IRGM: variants seen among roughly 807,000 people sequenced by gnomAD.
The protein encoded by IRGM is immunity-related GTPase family M protein.
For missense variants in IRGM, 288 were observed against 219.9 expected, an observed-to-expected ratio of 1.31 and a Z score of -1.96; for synonymous variants, 98 against 80.6, an observed-to-expected ratio of 1.22 and a Z score of -1.16.
chr5:150,893,507 T>C (rs1754652746), intron 3 of IRGM, among the ~76,000 whole-genome samples: 1 of 152,188 alleles, frequency 6.6e-6, no homozygotes, highest in African/African-American at 2.4e-5. Context: ...AAAACTGATG[T>C]AATTTTGTTG....
chr5:150,895,421 T>G (rs779990720), intron 3 of IRGM: 1 of 1,583,820 alleles, frequency 6.3e-7, no homozygotes, highest in African/African-American at 1.4e-5. Flanking sequence ...TGTGGCCAGT[T>G]CATTATGATT....
chr5:150,864,234 G>T (rs1754175020), intron 1 of IRGM, among the ~76,000 whole-genome samples: 1 of 152,110 alleles, frequency 6.6e-6, no homozygotes, highest in South Asian at 2.1e-4. Flanking sequence ...CCAGACGCTT[G>T]ACCTTCTTTT....
chr5:150,877,137 T>C (rs976185610), intron 1 of IRGM, among the ~76,000 whole-genome samples: 9 of 152,180 alleles, frequency 5.9e-5, no homozygotes, highest in Non-Finnish European at 8.8e-5. Flanking sequence ...GAGATGTATA[T>C]GGGTTCAAGT....
intron 3 of IRGM, chr5:150,898,128 A>T (rs990425871): frequency 6.2e-7 from 1 of 1,613,650 alleles, no homozygotes; most frequent in South Asian, 1.1e-5. Flanking sequence ...TTTATGATCC[A>T]TGGCTCTTCT....
intron 1 of IRGM, among the ~76,000 whole-genome samples, chr5:150,872,327 G>A (rs973641551): frequency 3.3e-5 from 5 of 152,138 alleles, no homozygotes; most frequent in Non-Finnish European, 7.4e-5. Context: ...GCTGCCATCA[G>A]CTTTTCCACC....
intron 3 of IRGM, among the ~76,000 whole-genome samples, chr5:150,892,920 C>T (rs1754636637): frequency 6.6e-6 from 1 of 151,838 alleles, no homozygotes; most frequent in African/African-American, 2.4e-5. Context: ...TTTGTTGTTC[C>T]TATTTTGTGT....
chr5:150,890,558 A>ACTGT (rs1754593974), intron 3 of IRGM, among the ~76,000 whole-genome samples: 1 of 151,658 alleles, frequency 6.6e-6, no homozygotes, highest in Admixed American at 6.6e-5. Context: ...AAACTGATTC[A>ACTGT]TTGAGACTTT....
intron 3 of IRGM, among the ~76,000 whole-genome samples, chr5:150,892,346 G>A (rs1009869217): frequency 6.6e-6 from 1 of 151,948 alleles, no homozygotes; most frequent in South Asian, 2.1e-4. Context: ...AGGCAGGAGA[G>A]GCAGCATAAC....
At chr5:150,862,446 G>A (rs1754149973) in intron 1 of IRGM, among the ~76,000 whole-genome samples, 1 of 152,192 alleles carries the variant, frequency 6.6e-6, no homozygotes, top group Non-Finnish European at 1.5e-5. Flanking sequence ...TGCCACACCA[G>A]CCTCCTCATT....
intron 1 of IRGM, among the ~76,000 whole-genome samples, chr5:150,872,471 G>A (rs1377094842): frequency 6.6e-6 from 1 of 152,188 alleles, no homozygotes; most frequent in African/African-American, 2.4e-5. Context: ...GGCCCCTAGA[G>A]GTGAGGTTCA....
At chr5:150,898,676 C>G in intron 3 of IRGM, 1 of 1,173,714 alleles carries the variant, frequency 8.5e-7, no homozygotes, top group African/African-American at 1.6e-5. Flanking sequence ...AAATAAAATC[C>G]TGTTTTTAGC....
At chr5:150,856,854 ATTG>A (rs1486839013) in intron 1 of IRGM, among the ~76,000 whole-genome samples, 29 of 147,882 alleles carry the variant, frequency 2.0e-4, no homozygotes, top group South Asian at 1.7e-3. Context: ...ATTTTATTTT[ATTG>A]TTATTTATTA....
chr5:150,847,805 T>TG lies in IRGM; in HGVS notation c.-316dup. 2 of 229,244 alleles carry TG rather than the reference T, an allele frequency of 8.7e-6. No individual in the cohort carries two copies. The highest frequency in any genetic ancestry group is 1.5e-5 in the Non-Finnish European group (2 of 132,820). 14.2% of individuals were successfully genotyped at this position (229,244 alleles called of 1,614,324 possible). On this transcript the variant is annotated 5_prime_UTR_variant, in exon 2 of 2. An upstream open reading frame in the 5' UTR loses its in-frame stop. Transcript: ENST00000522154. ...CCTCTTTTTGCCACACCATAAGCAT[T>TG]GGGTTTTGTTTGTTTTGAGATGGAG... is the stretch of plus-strand genomic sequence containing the variant.
chr5:150,872,800 G>T (rs1371251294), intron 1 of IRGM, among the ~76,000 whole-genome samples: 2 of 152,198 alleles, frequency 1.3e-5, no homozygotes, highest in Non-Finnish European at 2.9e-5. Flanking sequence ...TAATGTACAG[G>T]GAGGGATCAA....
intron 3 of IRGM, chr5:150,896,438 T>A (rs566543733): frequency 6.2e-7 from 1 of 1,613,696 alleles, no homozygotes; most frequent in Admixed American, 1.7e-5. Context: ...ATACACAGCT[T>A]TTCTCTTTAG....
At chr5:150,847,337 T>C (rs17111376) in intron 1 of IRGM, 117 bp downstream of exon 1, 31,522 of 152,254 alleles carry the variant, frequency 0.21, 5,248 homozygotes, top group African/African-American at 0.44. Flanking sequence ...CTTGTCTGGT[T>C]TTGGTCTTGA....
chr5:150,896,384 A>G (rs1045816571), intron 3 of IRGM: 3 of 1,613,680 alleles, frequency 1.9e-6, no homozygotes, highest in Non-Finnish European at 2.5e-6. Context: ...TTTGATGTAC[A>G]ATGAGTTGTG....
downstream of IRGM, among the ~76,000 whole-genome samples, chr5:150,851,163 T>C (rs1384404782): frequency 6.6e-6 from 1 of 152,150 alleles, no homozygotes; most frequent in Non-Finnish European, 1.5e-5. Flanking sequence ...CTTTTGGTTG[T>C]ACTCCCTACA....
intron 3 of IRGM, among the ~76,000 whole-genome samples, chr5:150,883,731 G>A (rs1754477706): frequency 6.6e-6 from 1 of 151,914 alleles, no homozygotes; most frequent in Non-Finnish European, 1.5e-5. Context: ...TAAGTAAGGT[G>A]ATGAAAGTAG....
Sources: gnomAD v4.1 joint callset for allele counts (sites outside exome capture counted in the v4.1 genomes callset) on GRCh38, gnomAD v4.1.1 for gene constraint, MANE v1.5 for transcripts, NCBI Gene and HGNC (gene_info 2026-07-23, HGNC 2026-07-21) for gene names.